The following FSTL4 variants were observed in gnomAD, a reference collection of about 807,000 sequenced individuals.
FSTL4 encodes follistatin-related protein 4.
FSTL4 carries 28 observed loss-of-function variants against 78.2 expected under a neutral mutation model. The observed-to-expected ratio is 0.36, with a 90% confidence interval of 0.27 to 0.49. FSTL4 has a LOEUF of 0.49. Among genes scored for constraint, FSTL4 ranks in the 20% least tolerant of loss-of-function variants. The probability of loss-of-function intolerance (pLI) is 0.98; values close to 1 mark genes in which losing one functional copy is unlikely to be tolerated. For synonymous variants in FSTL4, 422 were observed against 440.5 expected, an observed-to-expected ratio of 0.96 and a Z score of 0.53; for missense variants, 922 against 1,084.9, an observed-to-expected ratio of 0.85 and a Z score of 2.11.
chr5:133,323,838 C>T (rs1033634976), intron 4 of FSTL4, among the ~76,000 whole-genome samples: 1 of 152,252 alleles, frequency 6.6e-6, no homozygotes, highest in African/African-American at 2.4e-5. Context: ...TAATGAACTA[C>T]ATTTATCAAG....
the FSTL4 span, among the ~76,000 whole-genome samples, chr5:133,625,594 T>C: frequency 2.0e-5 from 3 of 149,480 alleles, no homozygotes; most frequent in African/African-American, 7.3e-5. Context: ...CTCCATTGGG[T>C]TTTTGTTTTC....
chr5:133,474,273 C>T (rs1234459300), intron 3 of FSTL4, among the ~76,000 whole-genome samples: 1 of 152,124 alleles, frequency 6.6e-6, no homozygotes, highest in Non-Finnish European at 1.5e-5. Flanking sequence ...CCTCTCTCAT[C>T]ACGTCCTCCA....
At chr5:133,342,037 C>T (rs955824525) in intron 4 of FSTL4, among the ~76,000 whole-genome samples, 35 of 152,284 alleles carry the variant, frequency 2.3e-4, no homozygotes, top group African/African-American at 8.4e-4. Context: ...GCAACTCGCA[C>T]AGACCCCACA....
chr5:133,723,146 G>A, the FSTL4 span, among the ~76,000 whole-genome samples: 1 of 152,160 alleles, frequency 6.6e-6, no homozygotes, highest in Non-Finnish European at 1.5e-5. Context: ...TGGCACCTGG[G>A]ATGTGATGTA....
At chr5:133,383,726 C>G (rs1755632918) in intron 4 of FSTL4, among the ~76,000 whole-genome samples, 1 of 152,210 alleles carries the variant, frequency 6.6e-6, no homozygotes, top group South Asian at 2.1e-4. Flanking sequence ...TAGGCTCCCC[C>G]ATGCTCCAGT....
chr5:133,374,346 A>G (rs1414290097), intron 4 of FSTL4, among the ~76,000 whole-genome samples: 1 of 152,176 alleles, frequency 6.6e-6, no homozygotes. Flanking sequence ...GGGTCCACAC[A>G]GGGGTTCTGG....
At chr5:133,814,958 A>G in the FSTL4 span, among the ~76,000 whole-genome samples, 1 of 152,150 alleles carries the variant, frequency 6.6e-6, no homozygotes. Context: ...GGCTTGTTCC[A>G]GGGGCTTCTC....
the FSTL4 span, among the ~76,000 whole-genome samples, chr5:133,635,482 G>A: frequency 2.5e-4 from 38 of 151,534 alleles, no homozygotes; most frequent in South Asian, 7.5e-3. Context: ...CTGCCTTGGC[G>A]GCTGGGCACA....
At chr5:133,502,907 T>C (rs1393182479) in intron 3 of FSTL4, among the ~76,000 whole-genome samples, 5 of 152,208 alleles carry the variant, frequency 3.3e-5, no homozygotes, top group Non-Finnish European at 4.4e-5. Flanking sequence ...ATTCTTTCGA[T>C]TGATTTTAAC....
chr5:133,527,492 CACACACA>C (rs1242924941), intron 3 of FSTL4, among the ~76,000 whole-genome samples: 410 of 151,704 alleles, frequency 2.7e-3, no homozygotes, highest in African/African-American at 9.2e-3. Flanking sequence ...CACACACACA[CACACACA>C]CACCCATAAG....
the FSTL4 span, among the ~76,000 whole-genome samples, chr5:133,763,161 G>A: frequency 1.3e-5 from 2 of 152,176 alleles, no homozygotes; most frequent in Non-Finnish European, 2.9e-5. Flanking sequence ...CCAGTACTTT[G>A]GACATGAATT....
the FSTL4 span, among the ~76,000 whole-genome samples, chr5:133,733,438 T>C: frequency 1.3e-5 from 2 of 152,316 alleles, no homozygotes; most frequent in South Asian, 2.1e-4. Context: ...ATGTGAAGTA[T>C]TCTGGCCAAA....
At chr5:133,491,360 A>T (rs1027499522) in intron 3 of FSTL4, among the ~76,000 whole-genome samples, 15 of 151,942 alleles carry the variant, frequency 9.9e-5, no homozygotes, top group Admixed American at 2.6e-4. Context: ...TTTGTGCCTT[A>T]AACAATACTT....
intron 3 of FSTL4, among the ~76,000 whole-genome samples, chr5:133,533,287 G>C (rs907828425): frequency 1.3e-5 from 2 of 152,056 alleles, no homozygotes; most frequent in African/African-American, 4.8e-5. Context: ...TCTGCTGTCC[G>C]GGCTGGAGTA....
intron 4 of FSTL4, among the ~76,000 whole-genome samples, chr5:133,330,254 G>A (rs1477146364): frequency 6.6e-6 from 1 of 152,128 alleles, no homozygotes; most frequent in Non-Finnish European, 1.5e-5. Context: ...TTCTTGCATT[G>A]CTATAAAGAA....
the FSTL4 span, among the ~76,000 whole-genome samples, chr5:133,621,073 G>A: frequency 1.3e-5 from 2 of 152,188 alleles, no homozygotes; most frequent in African/African-American, 4.8e-5. Flanking sequence ...ATATATACAC[G>A]ACAGAATACT....
chr5:133,350,363 C>T (rs547763854), intron 4 of FSTL4, among the ~76,000 whole-genome samples: 2 of 152,242 alleles, frequency 1.3e-5, no homozygotes, highest in Non-Finnish European at 2.9e-5. Context: ...CCGCTGGGGC[C>T]CCAGTCTGCC....
Position 133,338,540 on chromosome 5 carries a change from C to T in FSTL4, c.410-21888G>A, listed in dbSNP as rs777458910. Among the ~76,000 whole-genome samples the T allele has an allele frequency of 6.6e-6, 1 of 152,096 alleles. No homozygotes were observed. Among genetic ancestry groups the T allele is most frequent in the Non-Finnish European group, 1.5e-5 (1 of 68,012 alleles). On this transcript the variant is annotated intron_variant, in intron 4 of 15. Coordinates refer to ENST00000265342, the MANE Select transcript of FSTL4 (RefSeq NM_015082.2). The surrounding 1 kb of genome is among the most constrained non-coding windows in gnomAD (Gnocchi z 4.0). ...TGCTCCCCCATGGATACTCGGTTCCCTCAATCGAGGCTGGTGCAGGGGAAG... is the reference window on the plus strand; with the variant it reads ...TGCTCCCCCATGGATACTCGGTTCCTTCAATCGAGGCTGGTGCAGGGGAAG...
intron 3 of FSTL4, among the ~76,000 whole-genome samples, chr5:133,501,127 G>A (rs1758486955): frequency 2.0e-5 from 3 of 152,104 alleles, no homozygotes; most frequent in Admixed American, 1.3e-4. Flanking sequence ...ATCACAAGGT[G>A]GCCATAGAGA....
Sources: gnomAD v4.1 joint callset for allele counts (sites outside exome capture counted in the v4.1 genomes callset) on GRCh38, gnomAD v4.1.1 for gene constraint, Gnocchi (gnomAD v3.1) non-coding constraint, MANE v1.5 for transcripts, NCBI Gene and HGNC (gene_info 2026-07-23, HGNC 2026-07-21) for gene names.